Variants in MSRA observed in about 807,000 individuals in gnomAD.
The protein encoded by MSRA is mitochondrial peptide methionine sulfoxide reductase.
MSRA carries 54 observed loss-of-function variants against 31.3 expected under a neutral mutation model. That is an observed-to-expected ratio of 1.73 (90% CI 1.39 to 2.17). The LOEUF (loss-of-function observed/expected upper bound fraction) is 2.17. Among genes scored for constraint, MSRA ranks in the 30% most tolerant of loss-of-function variants. MSRA has a pLI of 0.00. For synonymous variants in MSRA, 169 were observed against 116.5 expected, an observed-to-expected ratio of 1.45 and a Z score of -2.90; for missense variants, 507 against 300.9, an observed-to-expected ratio of 1.69 and a Z score of -5.07.
At position 10,161,370 on chromosome 8, in the gene MSRA, A is replaced by G. The variant is rs10093521; in HGVS notation, c.143-46463A>G. On this transcript the variant is annotated intron_variant, in intron 1 of 5. Transcript: ENST00000317173. ...AAAGTTGCTGCAGTGCTGATGGATT[A>G]TCTTCATTAGGTACTTGGGTGATGA... Among the ~76,000 whole-genome samples the G allele has an allele frequency of 2.9e-3, 441 of 152,330 alleles. 2 individuals carry two copies. The highest frequency in any genetic ancestry group is 9.8e-3 in the African/African-American group (407 of 41,578).
chr8:10,080,590 G>A (rs1267132680), intron 1 of MSRA, among the ~76,000 whole-genome samples: 1 of 152,068 alleles, frequency 6.6e-6, no homozygotes, highest in Middle Eastern at 3.2e-3. Context: ...CAGTAGCACA[G>A]TCCCAGCTTA....
At chr8:10,189,445 G>A (rs7842065) in intron 1 of MSRA, among the ~76,000 whole-genome samples, 62,839 of 151,722 alleles carry the variant, frequency 0.41, 13,032 homozygotes, top group South Asian at 0.53. Flanking sequence ...GAGAACGTTC[G>A]GTCTGTTACC....
At chr8:10,359,240 A>C (rs754083317) in intron 5 of MSRA, among the ~76,000 whole-genome samples, 1 of 152,070 alleles carries the variant, frequency 6.6e-6, no homozygotes, top group Non-Finnish European at 1.5e-5. Context: ...TTCTTTGCCC[A>C]TCCTCAGTAT....
chr8:10,219,805 C>CAAAAAAA (rs202000887), intron 2 of MSRA, among the ~76,000 whole-genome samples: 11,723 of 45,178 alleles, frequency 0.26, 1,857 homozygotes, highest in South Asian at 0.39. Context: ...GACTCTGTCT[C>CAAAAAAA]CAAAAAAAAA....
intron 1 of MSRA, among the ~76,000 whole-genome samples, chr8:10,198,239 C>T (rs893176357): frequency 5.9e-5 from 9 of 151,894 alleles, no homozygotes; most frequent in African/African-American, 1.4e-4. Context: ...AAATCAGCCA[C>T]GACTACAGCA....
intron 5 of MSRA, among the ~76,000 whole-genome samples, chr8:10,397,977 A>T (rs1807205479): frequency 6.6e-6 from 1 of 152,230 alleles, no homozygotes; most frequent in African/African-American, 2.4e-5. Flanking sequence ...GGGCTATAAC[A>T]TCACCAATAT....
chr8:10,353,737 G>A (rs760937707), intron 5 of MSRA: 4 of 438,658 alleles, frequency 9.1e-6, no homozygotes, highest in Admixed American at 7.4e-5. Context: ...TCTACGTCCT[G>A]AGATACCCAG....
intron 2 of MSRA, among the ~76,000 whole-genome samples, chr8:10,219,606 A>G (rs1379525889): frequency 1.3e-5 from 2 of 151,920 alleles, no homozygotes; most frequent in Non-Finnish European, 2.9e-5. Flanking sequence ...TCAGACTGAG[A>G]CCATCCTGGC....
At chr8:10,090,090 C>T (rs1479509961) in intron 1 of MSRA, among the ~76,000 whole-genome samples, 1 of 152,162 alleles carries the variant, frequency 6.6e-6, no homozygotes, top group East Asian at 1.9e-4. Context: ...TGTGTGCCTG[C>T]TGGGATTCAT....
At chr8:10,284,777 C>G (rs896898013) in intron 3 of MSRA, among the ~76,000 whole-genome samples, 1 of 152,022 alleles carries the variant, frequency 6.6e-6, no homozygotes, top group African/African-American at 2.4e-5. Flanking sequence ...CCTAACTGTC[C>G]TCATCTGTAA....
At chr8:10,333,141 C>T (rs1802803911) in intron 5 of MSRA, among the ~76,000 whole-genome samples, 1 of 152,154 alleles carries the variant, frequency 6.6e-6, no homozygotes, top group Non-Finnish European at 1.5e-5. Context: ...ATAATCCTGG[C>T]CAACATAGGG....
At chr8:10,259,660 C>A (rs961261951) in intron 3 of MSRA, among the ~76,000 whole-genome samples, 1 of 152,148 alleles carries the variant, frequency 6.6e-6, no homozygotes, top group Non-Finnish European at 1.5e-5. Flanking sequence ...TATTCCCCTC[C>A]AGGAAGGTAG....
intron 5 of MSRA, among the ~76,000 whole-genome samples, chr8:10,334,644 T>A (rs569927545): frequency 6.6e-6 from 1 of 152,262 alleles, no homozygotes; most frequent in African/African-American, 2.4e-5. Flanking sequence ...CATTTAACGC[T>A]TCCAGAGATC....
At chr8:10,074,666 TTTTC>T (rs1270595054) in intron 1 of MSRA, among the ~76,000 whole-genome samples, 1 of 152,166 alleles carries the variant, frequency 6.6e-6, no homozygotes, top group Non-Finnish European at 1.5e-5. Flanking sequence ...TTTTCTTTTC[TTTTC>T]TTTTTTTTGA....
At chr8:10,389,774 T>C (rs1186754947) in intron 5 of MSRA, among the ~76,000 whole-genome samples, 17 of 146,614 alleles carry the variant, frequency 1.2e-4, no homozygotes, top group African/African-American at 2.5e-4. Context: ...CTTTTTTTTT[T>C]CCCCAGAAAC....
intron 1 of MSRA, among the ~76,000 whole-genome samples, chr8:10,074,567 G>A (rs891111354): frequency 2.6e-5 from 4 of 152,108 alleles, no homozygotes; most frequent in Non-Finnish European, 2.9e-5. Flanking sequence ...ATTATGTCCT[G>A]CATCTCTACA....
chr8:10,348,503 G>A (rs760740575), intron 5 of MSRA, among the ~76,000 whole-genome samples: 8 of 151,478 alleles, frequency 5.3e-5, no homozygotes, highest in African/African-American at 1.2e-4. Context: ...CCAAGTAGCC[G>A]GGACTACAAG....
intron 1 of MSRA, among the ~76,000 whole-genome samples, chr8:10,187,038 GACTT>G (rs1807114558): frequency 6.6e-6 from 1 of 152,206 alleles, no homozygotes; most frequent in Middle Eastern, 3.4e-3. Context: ...TTTCAATTGG[GACTT>G]ACTTTGAGCT....
chr8:10,328,483 A>C (rs1022812063), intron 5 of MSRA, among the ~76,000 whole-genome samples: 2 of 151,910 alleles, frequency 1.3e-5, no homozygotes, highest in African/African-American at 4.8e-5. Context: ...TGGACAACTG[A>C]ACTTCTTACC....
Sources: gnomAD v4.1 joint callset for allele counts (sites outside exome capture counted in the v4.1 genomes callset) on GRCh38, gnomAD v4.1.1 for gene constraint, MANE v1.5 for transcripts, NCBI Gene and HGNC (gene_info 2026-07-23, HGNC 2026-07-21) for gene names.